MZT1: variants seen among roughly 807,000 people sequenced by gnomAD.
The protein encoded by MZT1 is mitotic spindle organizing protein 1.
A neutral mutation model predicts 8.5 loss-of-function variants in MZT1; 8 were observed. The observed-to-expected ratio is 0.94, with a 90% CI of 0.55 to 1.70. MZT1 has a LOEUF of 1.70. MZT1 is among the 40% of genes most tolerant of loss of function. MZT1 has a pLI of 0.00. For missense variants in MZT1, 93 were observed against 108.6 expected (o/e 0.86, Z 0.64); for synonymous variants, 38 against 42.0 (o/e 0.90, Z 0.37).
intron 1 of MZT1, among the ~76,000 whole-genome samples, chr13:72,724,744 A>AGTGTGTGTG (rs1566214905): frequency 2.4e-4 from 5 of 21,232 alleles, no homozygotes; most frequent in African/African-American, 4.0e-4. Context: ...ATATATACAC[A>AGTGTGTGTG]TATATATATG....
intron 2 of MZT1, among the ~76,000 whole-genome samples, chr13:72,717,337 CTTTTT>C (rs1172063809): frequency 3.6e-5 from 4 of 110,996 alleles, no homozygotes; most frequent in South Asian, 3.0e-4. Flanking sequence ...CTGTCACTTT[CTTTTT>C]TTTTTTTTTT....
intron 1 of MZT1, among the ~76,000 whole-genome samples, chr13:72,722,266 G>A (rs953170441): frequency 1.3e-5 from 2 of 152,138 alleles, no homozygotes; most frequent in Non-Finnish European, 2.9e-5. Flanking sequence ...CACCATTCTC[G>A]AAAGTGAGGA....
chr13:72,716,659 T>C (rs1461751578), intron 2 of MZT1, among the ~76,000 whole-genome samples: 2 of 152,220 alleles, frequency 1.3e-5, no homozygotes, highest in African/African-American at 2.4e-5. Flanking sequence ...AGTTTTAAGA[T>C]GAACTAACTT....
At position 72,724,752 on chromosome 13, in the gene MZT1, A is replaced by ATATATATGTGTGTGTGTG. The variant is rs1180726488; in HGVS notation, c.79+2771_79+2772insCACACACACACATATATA. Among the ~76,000 whole-genome samples the ATATATATGTGTGTGTGTG allele has an allele frequency of 7.0e-4, 40 of 56,882 alleles. 4 individuals carry two copies. The highest frequency in any genetic ancestry group is 7.8e-4 in the Non-Finnish European group (21 of 26,830). The allele number at this position is 56,882 out of a possible 152,430, so 37.3% of individuals were successfully genotyped here. A position where few individuals can be genotyped will look rare whatever the true frequency, so the allele number is the denominator to read the frequency against. Reference sequence around the variant, plus strand: ...TATATATATATATACACATATATATATGTAAAGTGGTGCTACAGGCCGGGC... The same window carrying ATATATATGTGTGTGTGTG: ...TATATATATATATACACATATATATATATATATGTGTGTGTGTGTGTAAAGTGGTGCTACAGGCCGGGC... On this transcript the variant is annotated intron_variant, in intron 1 of 2. Coordinates refer to ENST00000377818, the MANE Select transcript of MZT1 (RefSeq NM_001071775.3).
rs2032469206 is a variant in MZT1, at chr13:72,709,800, G to A, written c.*522C>T. ...CTCTTATTTCAAAAAACAAGATTCT[G>A]ATATACATAATGAATCTAAATAAAA... is the stretch of plus-strand genomic sequence containing the variant. On this transcript the variant is annotated 3_prime_UTR_variant, in exon 3 of 3. Transcript: ENST00000377818. The A allele has an allele frequency of 6.6e-6, 1 of 152,098 alleles. No homozygotes were observed. The highest frequency in any genetic ancestry group is 6.5e-5 in the Admixed American group (1 of 15,274). 9.4% of individuals were successfully genotyped at this position (152,098 alleles called of 1,614,324 possible). A position where few individuals can be genotyped will look rare whatever the true frequency, so the allele number is the denominator to read the frequency against.
intron 2 of MZT1, among the ~76,000 whole-genome samples, chr13:72,712,215 A>G (rs2032494910): frequency 6.6e-6 from 1 of 152,216 alleles, no homozygotes; most frequent in Non-Finnish European, 1.5e-5. Context: ...CCCAGGCTGG[A>G]GTGCAGTGGC....
At chr13:72,724,750 A>ATG (rs199571360) in intron 1 of MZT1, among the ~76,000 whole-genome samples, 2 of 36,852 alleles carry the variant, frequency 5.4e-5, no homozygotes, top group African/African-American at 1.3e-4. Flanking sequence ...ACACATATAT[A>ATG]TATGTAAAGT....
chr13:72,727,412 G>A (rs1449225888), intron 1 of MZT1, 112 bp downstream of exon 1: 13 of 1,050,386 alleles, frequency 1.2e-5, no homozygotes, highest in South Asian at 1.3e-5. Flanking sequence ...GATCTTGGAA[G>A]ATGCCGTTTG....
chr13:72,727,516 A>C lies in MZT1; in HGVS notation c.79+8T>G. On this transcript the variant is annotated splice_region_variant and intron_variant, in intron 1 of 2. Coordinates refer to ENST00000377818, the MANE Select transcript of MZT1 (RefSeq NM_001071775.3). ...ACGCAAGGTAAAGGGAGCGCAACGG[A>C]AACTCACCGTCCATGGTCTCCCGCA... The C allele has an allele frequency of 1.2e-6, 2 of 1,613,498 alleles. No individual in the cohort carries two copies. The highest frequency in any genetic ancestry group is 1.7e-6 in the Non-Finnish European group (2 of 1,179,560).
chr13:72,718,910 A>G, intron 2 of MZT1, 42 bp downstream of exon 2: 2 of 1,512,756 alleles, frequency 1.3e-6, no homozygotes, highest in Non-Finnish European at 1.8e-6. Flanking sequence ...TTTTCTAAAT[A>G]AAAGCATCTT....
chr13:72,720,305 T>C (rs1419597709), intron 1 of MZT1, among the ~76,000 whole-genome samples: 4 of 152,228 alleles, frequency 2.6e-5, no homozygotes, highest in East Asian at 3.9e-4. Flanking sequence ...TAACTTTATA[T>C]TGCATGTAGT....
chr13:72,726,975 G>A (rs1482137451), intron 1 of MZT1, among the ~76,000 whole-genome samples: 1 of 152,204 alleles, frequency 6.6e-6, no homozygotes, highest in Non-Finnish European at 1.5e-5. Context: ...CGCTTCAAGA[G>A]GAAACTAGGA....
intron 2 of MZT1, among the ~76,000 whole-genome samples, chr13:72,713,407 T>C (rs2032506150): frequency 6.6e-6 from 1 of 152,160 alleles, no homozygotes; most frequent in Non-Finnish European, 1.5e-5. Flanking sequence ...ACCTCACAGA[T>C]ACGAAGGTCC....
At chr13:72,721,477 G>A (rs1037032949) in intron 1 of MZT1, among the ~76,000 whole-genome samples, 8 of 152,168 alleles carry the variant, frequency 5.3e-5, no homozygotes, top group African/African-American at 1.9e-4. Context: ...GCTAATCAAT[G>A]CTCTGAATAC....
intron 1 of MZT1, among the ~76,000 whole-genome samples, chr13:72,723,007 A>G (rs550106675): frequency 1.3e-5 from 2 of 152,318 alleles, no homozygotes; most frequent in African/African-American, 4.8e-5. Flanking sequence ...ATACTGGAAC[A>G]CTACATATTA....
chr13:72,710,372 C>T, intron 2 of MZT1, 27 bp from the exon 3 acceptor site: 1 of 1,610,838 alleles, frequency 6.2e-7, no homozygotes, highest in Non-Finnish European at 8.5e-7. Flanking sequence ...AGATTCATTA[C>T]AATAAAACCA....
At chr13:72,716,669 T>TA (rs1408006687) in intron 2 of MZT1, among the ~76,000 whole-genome samples, 2 of 152,212 alleles carry the variant, frequency 1.3e-5, no homozygotes, top group Admixed American at 6.5e-5. Context: ...TGAACTAACT[T>TA]AAAGTTTCAG....
chr13:72,723,589 T>G (rs1163734098), intron 1 of MZT1, among the ~76,000 whole-genome samples: 2 of 152,144 alleles, frequency 1.3e-5, no homozygotes, highest in African/African-American at 4.8e-5. Flanking sequence ...AAGAATTCTG[T>G]GTTTGGACTT....
intron 2 of MZT1, 22 bp downstream of exon 2, chr13:72,718,930 T>C (rs191629530): frequency 1.1e-4 from 175 of 1,546,948 alleles, no homozygotes; most frequent in Admixed American, 1.6e-4. Context: ...TTATTTAGAA[T>C]GAACTAATAG....
Sources: allele counts gnomAD v4.1 joint callset (sites outside exome capture counted in the v4.1 genomes callset), GRCh38; gene constraint gnomAD v4.1.1; transcripts MANE v1.5; gene names NCBI Gene and HGNC (gene_info 2026-07-23, HGNC 2026-07-21).